GRK3: variants seen among roughly 807,000 people sequenced by gnomAD.
GRK3 encodes adrenergic, beta, receptor kinase 2.
Under a neutral mutation model 95.7 loss-of-function variants are expected in GRK3, and 54 were observed. The observed-to-expected ratio is 0.56, with a 90% CI of 0.45 to 0.71. GRK3 has a LOEUF of 0.71. Ranked by LOEUF, GRK3 falls within the 30% of genes least tolerant of loss-of-function variation. GRK3 has a pLI of 0.00. For synonymous variants in GRK3, 281 were observed against 290.8 expected, an observed-to-expected ratio of 0.97 and a Z score of 0.34; for missense variants, 649 against 851.2, an observed-to-expected ratio of 0.76 and a Z score of 2.96.
chr22:25,693,775 T>C (rs904116315), intron 12 of GRK3, among the ~76,000 whole-genome samples: 1 of 83,614 alleles, frequency 1.2e-5, no homozygotes, highest in Non-Finnish European at 2.1e-5. Flanking sequence ...TTAAAAATTC[T>C]TTTTTTTTTT....
intron 1 of GRK3, among the ~76,000 whole-genome samples, chr22:25,586,898 C>CTT (rs59502085): frequency 1.4e-5 from 2 of 146,690 alleles, no homozygotes; most frequent in Non-Finnish European, 3.0e-5. Flanking sequence ...CCCTTGCAAT[C>CTT]TTTTTTTTTT....
chr22:25,715,774 C>T (rs2085379052), intron 18 of GRK3, among the ~76,000 whole-genome samples: 1 of 152,174 alleles, frequency 6.6e-6, no homozygotes, highest in South Asian at 2.1e-4. Flanking sequence ...TGGCCAGAAA[C>T]TCTTTCACTC....
chr22:25,661,729 T>A (rs1170237386), intron 4 of GRK3, 52 bp downstream of exon 4: 1 of 1,148,900 alleles, frequency 8.7e-7, no homozygotes, highest in East Asian at 2.4e-5. Context: ...TAAGGGACCA[T>A]GTTCAGCGTT....
intron 4 of GRK3, among the ~76,000 whole-genome samples, chr22:25,662,364 T>C (rs139565730): frequency 1.3e-5 from 2 of 152,320 alleles, no homozygotes; most frequent in African/African-American, 4.8e-5. Flanking sequence ...TAAAGTCAAA[T>C]GGGAGTAAAA....
At chr22:25,616,538 T>C (rs1460232900) in intron 2 of GRK3, among the ~76,000 whole-genome samples, 7 of 152,030 alleles carry the variant, frequency 4.6e-5, no homozygotes, top group East Asian at 3.9e-4. Flanking sequence ...TCCTTCAACA[T>C]TGGGGATTAT....
In GRK3 at chr22:25,704,126, C is replaced by T. The variant is rs2085280669; in HGVS notation, c.1245C>T (p.Asp415=). 13 of 1,612,700 alleles carry T rather than the reference C, an allele frequency of 8.1e-6. No homozygotes were observed. The highest frequency in any genetic ancestry group is 4.0e-5 in the African/African-American group (3 of 75,002). Residue 415 remains aspartate, a synonymous_variant, in exon 15 of 21, where the codon GAC becomes GAT. Transcript: ENST00000324198. ...TTCCCCAGAATGTGGAACTTCCAGA[C>T]ACCTTCTCTCCTGAACTGAAGTCCC... The part of the protein sequence containing the change: ...MTLTVNVELP[D]TFSPELKSLL...
At chr22:25,614,623 G>T (rs191050659) in intron 2 of GRK3, among the ~76,000 whole-genome samples, 1 of 152,314 alleles carries the variant, frequency 6.6e-6, no homozygotes, top group East Asian at 1.9e-4. Context: ...CTCCCAGGTG[G>T]CAGAGCCAGA....
Position 25,682,985 on chromosome 22 carries a change from G to A in GRK3, c.748-2185G>A, listed in dbSNP as rs566646893. Among the ~76,000 whole-genome samples the A allele has an allele frequency of 6.6e-4, 101 of 152,342 alleles. 2 individuals carry two copies. The South Asian group carries it at 0.019, about 28-fold the overall frequency. On this transcript the variant is annotated intron_variant, in intron 9 of 20. Coordinates refer to ENST00000324198, the MANE Select transcript of GRK3 (RefSeq NM_005160.4). ...AAGATTCATCTGTGGTGTTGCCCAC[G>A]GCTGTAACTCCCTCCTGTAGCTGTG...
intron 1 of GRK3, 80 bp downstream of exon 1, chr22:25,565,233 CG>C: frequency 3.0e-6 from 2 of 671,732 alleles, no homozygotes; most frequent in Non-Finnish European, 4.5e-6. Context: ...CCTGGAGGGT[CG>C]GGCGCTGAGC....
At chr22:25,592,415 C>T (rs573407308) in intron 1 of GRK3, among the ~76,000 whole-genome samples, 10 of 152,258 alleles carry the variant, frequency 6.6e-5, no homozygotes, top group African/African-American at 9.6e-5. Flanking sequence ...TGTTTTCTCT[C>T]GGCATGTGGC....
chr22:25,640,042 A>T (rs945801120), intron 2 of GRK3, among the ~76,000 whole-genome samples: 1 of 152,148 alleles, frequency 6.6e-6, no homozygotes, highest in South Asian at 2.1e-4. Context: ...ATTTACTTAC[A>T]TATTCTAGTA....
At chr22:25,701,631 G>A (rs1013237917) in intron 13 of GRK3, among the ~76,000 whole-genome samples, 1 of 152,180 alleles carries the variant, frequency 6.6e-6, no homozygotes, top group South Asian at 2.1e-4. Context: ...TTAGCACAGA[G>A]CGCTTGTGTC....
chr22:25,710,168 T>G (rs1461864474), intron 16 of GRK3, among the ~76,000 whole-genome samples: 1 of 152,210 alleles, frequency 6.6e-6, no homozygotes, highest in Non-Finnish European at 1.5e-5. Flanking sequence ...CAGTTCCCTT[T>G]GGGGCATCCT....
chr22:25,693,536 C>T (rs1466882487), intron 12 of GRK3, among the ~76,000 whole-genome samples: 1 of 152,174 alleles, frequency 6.6e-6, no homozygotes, highest in East Asian at 1.9e-4. Flanking sequence ...CCAACGCTCT[C>T]ACAGCGTGGC....
intron 1 of GRK3, among the ~76,000 whole-genome samples, chr22:25,585,746 G>A (rs868486436): frequency 7.2e-5 from 11 of 152,386 alleles, no homozygotes; most frequent in East Asian, 1.9e-4. Context: ...GCAGAAAAGC[G>A]TTTTCAGCCA....
At chr22:25,591,396 G>C (rs1932483872) in intron 1 of GRK3, among the ~76,000 whole-genome samples, 1 of 152,022 alleles carries the variant, frequency 6.6e-6, no homozygotes, top group Non-Finnish European at 1.5e-5. Context: ...AGCAAAGTAG[G>C]CTTGATTGCA....
chr22:25,672,408 A>C (rs1758882314), intron 7 of GRK3, 61 bp downstream of exon 7: 11 of 869,972 alleles, frequency 1.3e-5, no homozygotes, highest in Non-Finnish European at 2.0e-5. Flanking sequence ...GCTTAACCTC[A>C]TGAGAAAATA....
At chr22:25,716,978 G>A (rs2085391370) in intron 18 of GRK3, among the ~76,000 whole-genome samples, 1 of 152,174 alleles carries the variant, frequency 6.6e-6, no homozygotes, top group African/African-American at 2.4e-5. Flanking sequence ...TGCTTGATCT[G>A]AAGTAGCACA....
At chr22:25,642,046 A>G (rs1188470518) in intron 2 of GRK3, among the ~76,000 whole-genome samples, 1 of 152,272 alleles carries the variant, frequency 6.6e-6, no homozygotes, top group Non-Finnish European at 1.5e-5. Context: ...AAAAAGAAAT[A>G]CATGTGGCAA....
Sources: allele counts gnomAD v4.1 joint callset (sites outside exome capture counted in the v4.1 genomes callset), GRCh38; gene constraint gnomAD v4.1.1; transcripts MANE v1.5; gene names NCBI Gene and HGNC (gene_info 2026-07-23, HGNC 2026-07-21).